The following ACMSD variants were observed in gnomAD, a reference collection of about 807,000 sequenced individuals.
The protein encoded by ACMSD is 2-amino-3-carboxymuconate-6-semialdehyde decarboxylase.
Under a neutral mutation model 45.9 loss-of-function variants are expected in ACMSD, and 37 were observed. That is an observed-to-expected ratio of 0.81 (90% CI 0.62 to 1.06). The LOEUF (loss-of-function observed/expected upper bound fraction) is 1.06. Among genes scored for constraint, ACMSD ranks in the 50% least tolerant of loss-of-function variants. The pLI, the probability that ACMSD is intolerant of heterozygous loss-of-function variation, is 0.00. For synonymous variants in ACMSD, 138 were observed against 148.8 expected (o/e 0.93, Z 0.53); for missense variants, 434 against 420.9 (o/e 1.03, Z -0.27).
intron 8 of ACMSD, among the ~76,000 whole-genome samples, chr2:134,880,894 T>C (rs1394416346): frequency 6.6e-6 from 1 of 152,226 alleles, no homozygotes; most frequent in Non-Finnish European, 1.5e-5. Flanking sequence ...TTTTAAACAG[T>C]TAATTTTGTG....
chr2:134,881,294 C>T (rs1689023768), intron 8 of ACMSD, among the ~76,000 whole-genome samples: 1 of 152,222 alleles, frequency 6.6e-6, no homozygotes, highest in African/African-American at 2.4e-5. Flanking sequence ...TGCCACTGCA[C>T]CTGGCCCTTT....
intron 8 of ACMSD, among the ~76,000 whole-genome samples, chr2:134,890,842 T>A (rs1036394098): frequency 6.6e-6 from 1 of 152,020 alleles, no homozygotes; most frequent in Non-Finnish European, 1.5e-5. Flanking sequence ...AGTTTGAAAT[T>A]CTGCCAAAAT....
At chr2:134,874,852 A>C (rs1363218599) in intron 8 of ACMSD, among the ~76,000 whole-genome samples, 8 of 152,238 alleles carry the variant, frequency 5.3e-5, no homozygotes, top group Non-Finnish European at 1.0e-4. Context: ...TAGAGTAAGA[A>C]AGAAATTCTC....
At position 134,868,782 on chromosome 2, in the gene ACMSD, T is replaced by C. The variant is rs1688265422; in HGVS notation, c.580+1110T>C. On this transcript the variant is annotated intron_variant, in intron 6 of 9. Coordinates refer to ENST00000356140, the MANE Select transcript of ACMSD (RefSeq NM_138326.3). ...TTTTCTTTAAGGGGACCATTGTTCTTTCTCTCCTCAGCCCAACTAGTACAA... is the reference window on the plus strand; with the variant it reads ...TTTTCTTTAAGGGGACCATTGTTCTCTCTCTCCTCAGCCCAACTAGTACAA... 2.0e-5 allele frequency among the ~76,000 whole-genome samples: 3 copies of C among 152,218 alleles called. 1 individual carries two copies. The South Asian group carries it at 6.2e-4, about 32-fold the overall frequency.
chr2:134,852,512 C>A (rs1348580381), intron 2 of ACMSD, among the ~76,000 whole-genome samples: 6 of 151,724 alleles, frequency 4.0e-5, no homozygotes, highest in Admixed American at 2.6e-4. Flanking sequence ...CAGAGGGAAG[C>A]AAAAAAATGA....
chr2:134,863,129 G>A, intron 4 of ACMSD: 1 of 845,552 alleles, frequency 1.2e-6, no homozygotes. Flanking sequence ...GGGATACCAT[G>A]CCAGTAATTG....
chr2:134,881,044 G>C (rs1689009906), intron 8 of ACMSD, among the ~76,000 whole-genome samples: 1 of 152,220 alleles, frequency 6.6e-6, no homozygotes, highest in East Asian at 1.9e-4. Context: ...CTGTCACCCA[G>C]GCTGGAGTGC....
chr2:134,866,287 A>G (rs1688092722), intron 5 of ACMSD, among the ~76,000 whole-genome samples: 1 of 152,190 alleles, frequency 6.6e-6, no homozygotes, highest in African/African-American at 2.4e-5. Context: ...ACAAAAAAAT[A>G]AAAAGGAAAA....
intron 6 of ACMSD, among the ~76,000 whole-genome samples, chr2:134,870,668 G>GCA (rs1444971766): frequency 6.6e-6 from 1 of 152,172 alleles, no homozygotes; most frequent in African/African-American, 2.4e-5. Context: ...CTTGGACTTG[G>GCA]CACACTCCAT....
chr2:134,867,831 A>G (rs1332036510), intron 6 of ACMSD, 159 bp downstream of exon 6: 1 of 262,108 alleles, frequency 3.8e-6, no homozygotes, highest in East Asian at 7.4e-5. Context: ...GATTAATGCT[A>G]TATATATATA....
chr2:134,897,463 G>A (rs568199212), intron 8 of ACMSD, among the ~76,000 whole-genome samples: 6 of 151,984 alleles, frequency 3.9e-5, no homozygotes, highest in African/African-American at 1.4e-4. Flanking sequence ...TAATTTAATT[G>A]GCCAGTCTTT....
intron 2 of ACMSD, among the ~76,000 whole-genome samples, chr2:134,850,852 T>A (rs1303154682): frequency 6.6e-6 from 1 of 152,166 alleles, no homozygotes; most frequent in African/African-American, 2.4e-5. Flanking sequence ...GTGTATCAAG[T>A]GACGCTGAGG....
intron 1 of ACMSD, among the ~76,000 whole-genome samples, chr2:134,844,143 A>AAATAAC (rs1321503247): frequency 6.6e-6 from 1 of 152,238 alleles, no homozygotes; most frequent in Non-Finnish European, 1.5e-5. Flanking sequence ...GTCAATAGTT[A>AAATAAC]TTTGAGTCAT....
At chr2:134,870,873 C>A in intron 6 of ACMSD, 92 bp from the exon 7 acceptor site, 1 of 1,103,886 alleles carries the variant, frequency 9.1e-7, no homozygotes, top group Non-Finnish European at 1.4e-6. Context: ...CCTCAAGTTT[C>A]TTTGCACTGA....
At position 134,863,547 on chromosome 2, in the gene ACMSD, A is replaced by G. The variant is rs1687945996; in HGVS notation, c.402A>G (p.Lys134=). 1 of 1,614,198 alleles carries G rather than the reference A, an allele frequency of 6.2e-7. No individual in the cohort carries two copies. The highest frequency in any genetic ancestry group is 8.5e-7 in the Non-Finnish European group (1 of 1,180,016). ...TCAAGGAGATGGAGCGCTGTGTGAA[A>G]GAGCTGGGCTTTCCCGGGGTCCAAA... The part of the protein sequence containing the change: ...LAVKEMERCV[K]ELGFPGVQIG... The change falls in exon 5 of 10, where the codon AAA becomes AAG. Residue 134 remains lysine (K), a synonymous_variant. Transcript: ENST00000356140.
chr2:134,885,318 TAA>T (rs1312818797), intron 8 of ACMSD, among the ~76,000 whole-genome samples: 9 of 98,970 alleles, frequency 9.1e-5, no homozygotes, highest in East Asian at 3.9e-4. Flanking sequence ...TATATATATA[TAA>T]ATATATATGT....
At chr2:134,845,136 T>C (rs1238901501) in intron 1 of ACMSD, 97 bp from the exon 2 acceptor site, 5 of 1,267,240 alleles carry the variant, frequency 3.9e-6, no homozygotes, top group Non-Finnish European at 5.8e-6. Flanking sequence ...AGGCAATGCT[T>C]GAAAGGTGGA....
chr2:134,854,259 T>A (rs542736493), intron 2 of ACMSD, among the ~76,000 whole-genome samples: 3 of 152,360 alleles, frequency 2.0e-5, no homozygotes, highest in African/African-American at 4.8e-5. Flanking sequence ...TTACATTCTA[T>A]GATTGAATCT....
At chr2:134,884,254 T>A (rs961374119) in intron 8 of ACMSD, among the ~76,000 whole-genome samples, 12 of 152,176 alleles carry the variant, frequency 7.9e-5, no homozygotes, top group Admixed American at 7.9e-4. Flanking sequence ...GCAATGGGCA[T>A]CCAAAATCAA....
Sources: gnomAD v4.1 joint callset for allele counts (sites outside exome capture counted in the v4.1 genomes callset) on GRCh38, gnomAD v4.1.1 for gene constraint, MANE v1.5 for transcripts, NCBI Gene and HGNC (gene_info 2026-07-23, HGNC 2026-07-21) for gene names.